The following SHISAL2B variants were observed in gnomAD, a reference collection of about 807,000 sequenced individuals.
SHISAL2B encodes the protein protein shisa-like-2B.
Under a neutral mutation model 16.5 loss-of-function variants are expected in SHISAL2B, and 12 were observed. That is an observed-to-expected ratio of 0.73 (90% CI 0.47 to 1.18). The LOEUF (loss-of-function observed/expected upper bound fraction) is 1.18, where lower values mean the gene tolerates loss of function less well. Among genes scored for constraint, SHISAL2B ranks in the 50% most tolerant of loss-of-function variants. The pLI is 0.00. For synonymous variants in SHISAL2B, 72 were observed against 75.0 expected, an observed-to-expected ratio of 0.96 and a Z score of 0.21; for missense variants, 183 against 193.6, an observed-to-expected ratio of 0.95 and a Z score of 0.33.
chr5:64,706,979 G>A (rs1379074700), intron 2 of SHISAL2B, among the ~76,000 whole-genome samples: 1 of 152,034 alleles, frequency 6.6e-6, no homozygotes, highest in African/African-American at 2.4e-5. Context: ...CCAAACTGTA[G>A]AAAATAATAA....
chr5:64,709,239 C>T (rs1741917630), intron 2 of SHISAL2B, among the ~76,000 whole-genome samples: 1 of 142,936 alleles, frequency 7.0e-6, no homozygotes, highest in Non-Finnish European at 1.5e-5. Context: ...TTCCTGTGTC[C>T]ATGTGATCTC....
chr5:64,693,615 T>C (rs1020689508), intron 1 of SHISAL2B, among the ~76,000 whole-genome samples: 4 of 152,164 alleles, frequency 2.6e-5, no homozygotes, highest in South Asian at 2.1e-4. Context: ...CACCAGATAA[T>C]ATTAACTGAG....
rs958263000 is a variant in SHISAL2B at position 64,690,694 on chromosome 5, G to A, written c.71G>A (p.Cys24Tyr). ...LNQSFVEPFQ[C>Y]PRRGEGAALQ... ...CAGAGCTTCGTGGAGCCCTTCCAGT[G>A]CCCCCGGCGCGGCGAGGGGGCAGCG... The change falls in exon 1 of 3, where the codon TGC becomes TAC. Residue 24 changes from cysteine to tyrosine, a missense_variant. Cys to Tyr is a radical substitution (Grantham distance 194). Coordinates refer to ENST00000389074, the MANE Select transcript of SHISAL2B (RefSeq NM_001164442.2). The A allele has an allele frequency of 3.9e-6, 6 of 1,534,982 alleles. No homozygotes were observed. In the African/African-American group the frequency reaches 4.1e-5, roughly 11 times the overall value.
intron 2 of SHISAL2B, among the ~76,000 whole-genome samples, chr5:64,707,315 G>A (rs1741887799): frequency 6.6e-6 from 1 of 152,128 alleles, no homozygotes; most frequent in South Asian, 2.1e-4. Context: ...CCTATGAGTT[G>A]TGTAATTTCC....
chr5:64,717,182 T>C (rs986095521), intron 2 of SHISAL2B, among the ~76,000 whole-genome samples: 1 of 152,150 alleles, frequency 6.6e-6, no homozygotes, highest in African/African-American at 2.4e-5. Flanking sequence ...TCAAAGAAGA[T>C]GAGAATGAAC....
chr5:64,701,609 T>C (rs1741810715), intron 2 of SHISAL2B, among the ~76,000 whole-genome samples: 1 of 152,148 alleles, frequency 6.6e-6, no homozygotes, highest in African/African-American at 2.4e-5. Context: ...GGGCAAATAT[T>C]AGTAGAGCTG....
At chr5:64,716,824 T>C (rs985510043) in intron 2 of SHISAL2B, among the ~76,000 whole-genome samples, 6 of 152,172 alleles carry the variant, frequency 3.9e-5, no homozygotes, top group Non-Finnish European at 5.9e-5. Flanking sequence ...TGTAGGCCAC[T>C]GTATAAGACT....
At chr5:64,713,556 C>G (rs1259890344) in intron 2 of SHISAL2B, among the ~76,000 whole-genome samples, 1 of 104,350 alleles carries the variant, frequency 9.6e-6, no homozygotes, top group Non-Finnish European at 1.8e-5. Flanking sequence ...TTGTGGCATT[C>G]TCTGTATATC....
Position 64,690,679 on chromosome 5 carries a change from T to C in SHISAL2B, c.56T>C (p.Val19Ala), listed in dbSNP as rs1741626219. Residue 19 changes from valine to alanine, a missense_variant, in exon 1 of 3, where the codon GTG (valine) becomes GCG (alanine). By Grantham distance (64) the Val-to-Ala change is moderately conservative. Coordinates refer to ENST00000389074, the MANE Select transcript of SHISAL2B (RefSeq NM_001164442.2). ...TACTACAGCCTCAACCAGAGCTTCGTGGAGCCCTTCCAGTGCCCCCGGCGC... is the reference window on the plus strand; with the variant it reads ...TACTACAGCCTCAACCAGAGCTTCGCGGAGCCCTTCCAGTGCCCCCGGCGC... Reference protein sequence around the residue: ...SGYYSLNQSFVEPFQCPRRGE... With the variant: ...SGYYSLNQSFAEPFQCPRRGE... The C allele has an allele frequency of 6.5e-7, 1 of 1,534,508 alleles. No individual in the cohort carries two copies. The highest frequency in any genetic ancestry group is 8.7e-7 in the Non-Finnish European group (1 of 1,145,970).
intron 2 of SHISAL2B, among the ~76,000 whole-genome samples, chr5:64,708,139 G>A (rs1466578854): frequency 2.0e-5 from 3 of 151,898 alleles, no homozygotes; most frequent in Non-Finnish European, 4.4e-5. Flanking sequence ...AAAATTATAG[G>A]AGTTTCCCAT....
chr5:64,706,660 T>C (rs1013742783), intron 2 of SHISAL2B, among the ~76,000 whole-genome samples: 1 of 152,120 alleles, frequency 6.6e-6, no homozygotes, highest in Non-Finnish European at 1.5e-5. Context: ...GGTTGTGAAG[T>C]CTCATGTCCT....
intron 2 of SHISAL2B, among the ~76,000 whole-genome samples, chr5:64,716,957 T>C (rs1490914170): frequency 6.6e-6 from 1 of 152,150 alleles, no homozygotes; most frequent in African/African-American, 2.4e-5. Context: ...AGTGGTCTGA[T>C]TCTGAATGTA....
Position 64,710,551 on chromosome 5 carries a change from T to C in SHISAL2B, c.350-7338T>C, listed in dbSNP as rs1414459529. Among the ~76,000 whole-genome samples, 2 of 77,246 alleles carry C rather than the reference T, an allele frequency of 2.6e-5. 1 individual carries two copies. The highest frequency in any genetic ancestry group is 2.5e-4 in the Admixed American group (2 of 8,098). 50.7% of individuals were successfully genotyped at this position (77,246 alleles called of 152,430 possible). A position where few individuals can be genotyped will look rare whatever the true frequency, so the allele number is the denominator to read the frequency against. Reference sequence around the variant, plus strand: ...TTTTGGTTCCATATGAACTTTAAAGTAGTTTTTTCCAATTCTGTGCAGAAA... The same window carrying C: ...TTTTGGTTCCATATGAACTTTAAAGCAGTTTTTTCCAATTCTGTGCAGAAA... On this transcript the variant is annotated intron_variant, in intron 2 of 2. Coordinates refer to ENST00000389074, the MANE Select transcript of SHISAL2B (RefSeq NM_001164442.2).
intron 2 of SHISAL2B, among the ~76,000 whole-genome samples, chr5:64,697,741 A>T (rs1223831402): frequency 6.6e-5 from 10 of 152,198 alleles, no homozygotes. Context: ...ACTTGCTTCC[A>T]TGTAAAAATA....
At position 64,718,010 on chromosome 5, in the gene SHISAL2B, CA is replaced by C. The variant is rs1561379498; in HGVS notation, c.472del (p.Ile158LeufsTer5). On this transcript the variant is annotated frameshift_variant, in exon 3 of 3. Coordinates refer to ENST00000389074, the MANE Select transcript of SHISAL2B (RefSeq NM_001164442.2). LOFTEE classifies it high-confidence loss of function. ...EKTMDATQIHIAY is the reference protein window; with the variant it reads ...EKTMDATQIHXAY ...AAACAATGGATGCAACACAAATCCA[CA>C]TTGCTTATTAACTAAAAATTCTGTG... 1 of 1,506,096 alleles carries C rather than the reference CA, an allele frequency of 6.6e-7. No homozygotes were observed. The highest frequency in any genetic ancestry group is 2.5e-5 in the Admixed American group (1 of 39,970). 93.3% of individuals were successfully genotyped at this position (1,506,096 alleles called of 1,614,324 possible).
chr5:64,691,979 C>T (rs1486210356), intron 1 of SHISAL2B, among the ~76,000 whole-genome samples: 1 of 152,130 alleles, frequency 6.6e-6, no homozygotes, highest in Admixed American at 6.5e-5. Context: ...AAAATATTAA[C>T]ATATTTTTCT....
intron 2 of SHISAL2B, among the ~76,000 whole-genome samples, chr5:64,709,820 G>C (rs1741932796): frequency 6.6e-6 from 1 of 151,954 alleles, no homozygotes; most frequent in Non-Finnish European, 1.5e-5. Context: ...TGTGTTTTTT[G>C]GCTGCATAAA....
At chr5:64,717,446 G>T (rs185028683) in intron 2 of SHISAL2B, among the ~76,000 whole-genome samples, 1 of 152,140 alleles carries the variant, frequency 6.6e-6, no homozygotes, top group African/African-American at 2.4e-5. Flanking sequence ...TGGAGTGAGT[G>T]AATGGGATTG....
rs1172674545 is a variant in SHISAL2B, at chr5:64,690,811, T to A, written c.188T>A (p.Leu63His). The change falls in exon 1 of 3, where the codon CTC becomes CAC. Residue 63 changes from leucine (L) to histidine (H), a missense_variant. Leu to His is a moderately conservative substitution (Grantham distance 99). Transcript: ENST00000389074. ...FPYKHSYMWS[L>H]SIGALIGLGI... The stretch of plus-strand genomic sequence containing the variant: ...TACAAGCACAGCTACATGTGGAGCC[T>A]CAGGTGGGCTGAGAGCCCGCGCGTG... The A allele has an allele frequency of 1.3e-6, 2 of 1,517,728 alleles. No homozygotes were observed. Among genetic ancestry groups the A allele is most frequent in the East Asian group, 5.0e-5 (2 of 39,664 alleles). 94.0% of individuals were successfully genotyped at this position (1,517,728 alleles called of 1,614,324 possible). A position where few individuals can be genotyped will look rare whatever the true frequency, so the allele number is the denominator to read the frequency against.
Sources: gnomAD v4.1 joint callset for allele counts (sites outside exome capture counted in the v4.1 genomes callset) on GRCh38, gnomAD v4.1.1 for gene constraint, MANE v1.5 for transcripts, NCBI Gene and HGNC (gene_info 2026-07-23, HGNC 2026-07-21) for gene names.